Variants in DPP10 observed in about 807,000 individuals in gnomAD.
The protein encoded by DPP10 is inactive dipeptidyl peptidase 10.
A neutral mutation model predicts 120.9 loss-of-function variants in DPP10; 33 were observed. The observed-to-expected ratio is 0.27, with a 90% CI of 0.21 to 0.37. The LOEUF is 0.37. DPP10 is among the 10% of genes least tolerant of loss of function. The pLI is 1.00. For synonymous variants in DPP10, 337 were observed against 326.1 expected (o/e 1.03, Z -0.36); for missense variants, 816 against 942.8 (o/e 0.87, Z 1.76).
intron 3 of DPP10, among the ~76,000 whole-genome samples, chr2:115,395,286 A>T (rs906036526): frequency 7.2e-5 from 11 of 152,074 alleles, no homozygotes; most frequent in South Asian, 2.1e-4. Context: ...ACGTGTATAA[A>T]TTTCCTCTTC....
intron 1 of DPP10, among the ~76,000 whole-genome samples, chr2:115,171,640 G>T (rs1391829987): frequency 6.6e-6 from 1 of 151,196 alleles, no homozygotes; most frequent in East Asian, 1.9e-4. Flanking sequence ...GCCATTCCCA[G>T]ATTCAGCTGC....
chr2:115,467,067 T>C (rs2074372053), intron 3 of DPP10, among the ~76,000 whole-genome samples: 2 of 152,154 alleles, frequency 1.3e-5, no homozygotes, highest in South Asian at 4.1e-4. Flanking sequence ...TACCTTGTTA[T>C]AAAAGGTTAA....
chr2:115,353,579 G>A (rs942955771), intron 3 of DPP10, among the ~76,000 whole-genome samples: 1 of 152,064 alleles, frequency 6.6e-6, no homozygotes, highest in Non-Finnish European at 1.5e-5. Context: ...TGAAGTGGGA[G>A]ATATTAGTAA....
At chr2:115,011,440 T>C (rs1271767436) in intron 1 of DPP10, among the ~76,000 whole-genome samples, 2 of 152,232 alleles carry the variant, frequency 1.3e-5, no homozygotes, top group African/African-American at 2.4e-5. Flanking sequence ...TTGACCCATG[T>C]ATTTTTCTTA....
At chr2:115,379,907 G>T (rs1054294743) in intron 3 of DPP10, among the ~76,000 whole-genome samples, 45 of 152,116 alleles carry the variant, frequency 3.0e-4, no homozygotes, top group African/African-American at 1.1e-3. Context: ...ATTGCACTGT[G>T]GTCTGAGAGA....
intron 4 of DPP10, among the ~76,000 whole-genome samples, chr2:115,507,034 G>GCACA (rs71394148): frequency 1.1e-4 from 17 of 148,892 alleles, no homozygotes; most frequent in Admixed American, 2.0e-4. Flanking sequence ...ACACGCACGC[G>GCACA]CACACACACA....
chr2:115,171,701 G>T (rs10445864), intron 1 of DPP10, among the ~76,000 whole-genome samples: 1 of 150,370 alleles, frequency 6.7e-6, no homozygotes, highest in African/African-American at 2.4e-5. Flanking sequence ...CTTCCTTGCC[G>T]CTTAAGTATA....
chr2:115,551,756 A>G (rs773333794), intron 5 of DPP10, among the ~76,000 whole-genome samples: 20 of 152,124 alleles, frequency 1.3e-4, no homozygotes, highest in Admixed American at 5.9e-4. Flanking sequence ...TATTTATCAT[A>G]CTTCCTAATG....
intron 1 of DPP10, among the ~76,000 whole-genome samples, chr2:114,485,554 TTTGCACTAGTGTTGTGCACTAGTG>T (rs72265680): frequency 0.12 from 18,728 of 151,066 alleles, 2,703 homozygotes; most frequent in African/African-American, 0.36. Flanking sequence ...TCCATTTTGG[TTTGCACTAGTGTTGTGCACTAGTG>T]TTGCACTAGT....
intron 3 of DPP10, among the ~76,000 whole-genome samples, chr2:115,381,446 A>G (rs1002901734): frequency 2.0e-5 from 3 of 152,092 alleles, no homozygotes; most frequent in Admixed American, 6.6e-5. Flanking sequence ...TTCTAGTTAT[A>G]CATTCTTCTA....
chr2:115,524,546 G>A (rs867234971), intron 4 of DPP10, among the ~76,000 whole-genome samples: 3 of 152,052 alleles, frequency 2.0e-5, no homozygotes, highest in Non-Finnish European at 4.4e-5. Context: ...GAGTTTCTAA[G>A]CAAGGTTTCA....
chr2:115,795,478 G>A (rs1471128418), intron 19 of DPP10, among the ~76,000 whole-genome samples: 1 of 152,046 alleles, frequency 6.6e-6, no homozygotes, highest in African/African-American at 2.4e-5. Flanking sequence ...CATCCATCAA[G>A]TCTTATCTTC....
At chr2:114,727,858 T>C (rs554282949) in intron 1 of DPP10, among the ~76,000 whole-genome samples, 1 of 152,332 alleles carries the variant, frequency 6.6e-6, no homozygotes, top group Admixed American at 6.5e-5. Flanking sequence ...CACTACTTAT[T>C]CAGTGTCTAT....
At chr2:114,637,676 G>A (rs909115657) in intron 1 of DPP10, among the ~76,000 whole-genome samples, 3 of 151,766 alleles carry the variant, frequency 2.0e-5, no homozygotes, top group Non-Finnish European at 4.4e-5. Context: ...CTGACAGGTG[G>A]GGGTCTAGTT....
chr2:115,804,309 G>T (rs992968485), intron 19 of DPP10, among the ~76,000 whole-genome samples: 1 of 152,080 alleles, frequency 6.6e-6, no homozygotes, highest in African/African-American at 2.4e-5. Context: ...TCTCTGCACT[G>T]GTTATTCTAG....
chr2:114,579,882 T>G (rs933057253), intron 1 of DPP10, among the ~76,000 whole-genome samples: 5 of 151,978 alleles, frequency 3.3e-5, no homozygotes, highest in African/African-American at 1.2e-4. Context: ...CCTGGAGGAG[T>G]GCACCTATCA....
intron 1 of DPP10, among the ~76,000 whole-genome samples, chr2:115,068,045 C>T (rs111808182): frequency 0.015 from 2,217 of 151,858 alleles, 39 homozygotes; most frequent in Non-Finnish European, 0.023. Flanking sequence ...ATGCAGATAT[C>T]TCTTCAACAT....
At chr2:115,456,463 T>C (rs2073553427) in intron 3 of DPP10, among the ~76,000 whole-genome samples, 1 of 152,202 alleles carries the variant, frequency 6.6e-6, no homozygotes, top group African/African-American at 2.4e-5. Context: ...TTATTGGGTA[T>C]ATACCCAAAT....
chr2:115,594,227 T>G (rs968968515), intron 5 of DPP10, among the ~76,000 whole-genome samples: 12 of 152,180 alleles, frequency 7.9e-5, no homozygotes, highest in Non-Finnish European at 1.3e-4. Flanking sequence ...TCTATTTATG[T>G]CCTGTTAAAA....
Sources: gnomAD v4.1 joint callset for allele counts (sites outside exome capture counted in the v4.1 genomes callset) on GRCh38, gnomAD v4.1.1 for gene constraint, MANE v1.5 for transcripts, NCBI Gene and HGNC (gene_info 2026-07-23, HGNC 2026-07-21) for gene names.